The following FCER2 variants were observed in gnomAD, a reference collection of about 807,000 sequenced individuals.
FCER2 encodes Fc epsilon receptor II.
Under a neutral mutation model 49.7 loss-of-function variants are expected in FCER2, and 38 were observed. That is an observed-to-expected ratio of 0.76 (90% CI 0.59 to 1.00). FCER2 has a LOEUF of 1.00. Ranked by LOEUF, FCER2 falls within the 50% of genes least tolerant of loss-of-function variation. The pLI is 0.00. For synonymous variants in FCER2, 163 were observed against 164.6 expected (o/e 0.99, Z 0.07); for missense variants, 425 against 419.5 (o/e 1.01, Z -0.11).
At chr19:7,699,452 G>T in intron 2 of FCER2, 1 of 1,474,096 alleles carries the variant, frequency 6.8e-7, no homozygotes, top group Non-Finnish European at 9.0e-7. Flanking sequence ...GACTCTATTG[G>T]GCTCCCCGCT....
In FCER2 at chr19:7,697,588, G is replaced by C. The variant is rs894639849; in HGVS notation, c.192C>G (p.Val64=). 3 of 1,613,960 alleles carry C rather than the reference G, an allele frequency of 1.9e-6. No individual in the cohort carries two copies. The highest frequency in any genetic ancestry group is 1.7e-5 in the Admixed American group (1 of 60,000). The change falls in exon 5 of 11, where the codon GTC becomes GTG. Residue 64 remains valine (V), a splice_region_variant and synonymous_variant. Coordinates refer to ENST00000597921, the MANE Select transcript of FCER2 (RefSeq NM_001220500.2). ...TTTCCAAGTTCTTGGAAACTTGAGA[G>C]ACTGGAGCGGCGGGAGAGAAGAGAT... is the stretch of plus-strand genomic sequence containing the variant. ...KQLEERAARN[V]SQVSKNLESH...
intron 5 of FCER2, 71 bp from the exon 6 acceptor site, chr19:7,697,369 C>T: frequency 6.4e-7 from 1 of 1,559,562 alleles, no homozygotes; most frequent in Non-Finnish European, 8.8e-7. Flanking sequence ...CCACCCATCC[C>T]TTGGTCTCTT....
In FCER2 at chr19:7,690,169, C is replaced by T. The variant is rs760134645; in HGVS notation, c.718G>A (p.Val240Met). Residue 240 changes from valine (V) to methionine (M), a missense_variant, in exon 10 of 11, where the codon GTG becomes ATG. By Grantham distance (21) the Val-to-Met change is conservative (BLOSUM62 1). Transcript: ENST00000597921. ...AGGCCCCCTCCTCACCTGTAGTCCA[C>T]GTGGCTCCCATCCACCCAGATAAAC... ...GEFIWVDGSH[V>M]DYSNWAPGEP... is the part of the protein sequence containing the mutation. 3.7e-6 allele frequency: 6 copies of T among 1,609,128 alleles called. No homozygotes were observed. Among genetic ancestry groups the T allele is most frequent in the Admixed American group, 1.7e-5 (1 of 60,000 alleles).
Position 7,698,728 on chromosome 19 carries a change from G to T in FCER2, c.136+13C>A, listed in dbSNP as rs748145712. 6.2e-7 allele frequency: 1 copy of T among 1,610,448 alleles called. No homozygotes were observed. Among genetic ancestry groups the T allele is most frequent in the Non-Finnish European group, 8.5e-7 (1 of 1,178,884 alleles). ...GAGTTGGGGGGACCACATGGAGCTG[G>T]GGGTGTCCTCACGCCACAGGAGAAG... On this transcript the variant is annotated intron_variant, in intron 3 of 10. Coordinates refer to ENST00000597921, the MANE Select transcript of FCER2 (RefSeq NM_001220500.2).
chr19:7,692,484 A>G (rs2032907264), intron 8 of FCER2, among the ~76,000 whole-genome samples: 1 of 152,076 alleles, frequency 6.6e-6, no homozygotes, highest in South Asian at 2.1e-4. Flanking sequence ...ATCAACCACC[A>G]ACACCATCAG....
Position 7,698,077 on chromosome 19 carries a change from A to C in FCER2, c.190+279T>G, listed in dbSNP as rs559928142. On this transcript the variant is annotated intron_variant, in intron 4 of 10. Coordinates refer to ENST00000597921, the MANE Select transcript of FCER2 (RefSeq NM_001220500.2). ...AATGCTGGGCAGTGGTAGGGAGCCA[A>C]AGCCTTCAGCCAGCCACACAGTTTT... Among the ~76,000 whole-genome samples the C allele has an allele frequency of 2.8e-4, 42 of 152,316 alleles. 1 individual carries two copies. The East Asian group carries it at 7.9e-3, about 29-fold the overall frequency.
At chr19:7,698,652 C>T in intron 3 of FCER2, 89 bp downstream of exon 3, 1 of 1,533,650 alleles carries the variant, frequency 6.5e-7, no homozygotes, top group Non-Finnish European at 8.8e-7. Flanking sequence ...ATGCGTTGGG[C>T]TCCCCCAGCT....
intron 1 of FCER2, among the ~76,000 whole-genome samples, chr19:7,701,777 A>G (rs995883587): frequency 1.3e-5 from 2 of 151,904 alleles, no homozygotes; most frequent in African/African-American, 4.8e-5. Flanking sequence ...CAGCGCACTC[A>G]CCAAGCTCAT....
At chr19:7,696,008 A>G (rs2033002616) in intron 8 of FCER2, among the ~76,000 whole-genome samples, 1 of 141,238 alleles carries the variant, frequency 7.1e-6, no homozygotes, top group African/African-American at 2.7e-5. Context: ...ATCTCGGCTC[A>G]CTGCAACCTC....
chr19:7,689,412 C>A lies in FCER2; in HGVS notation c.747G>T (p.Glu249Asp). The change falls in exon 11 of 11, where the codon GAG becomes GAT. Residue 249 changes from glutamate (E) to aspartate (D), a missense_variant. By Grantham distance (45) the Glu-to-Asp change is conservative (BLOSUM62 2). Transcript: ENST00000597921. ...HVDYSNWAPGEPTSRSQGEDC... is the reference protein window; with the variant it reads ...HVDYSNWAPGDPTSRSQGEDC... Reference sequence around the variant, plus strand: ...CCTCGCCCTGGCTCCGGCTGGTGGGCTCCCCTGGAGCCCAGTTGCTGGAGC... The same window carrying A: ...CCTCGCCCTGGCTCCGGCTGGTGGGATCCCCTGGAGCCCAGTTGCTGGAGC... The A allele has an allele frequency of 6.3e-7, 1 of 1,586,510 alleles. No individual in the cohort carries two copies. The highest frequency in any genetic ancestry group is 1.3e-5 in the African/African-American group (1 of 74,302).
intron 8 of FCER2, 55 bp from the exon 9 acceptor site, chr19:7,690,612 T>C: frequency 6.3e-7 from 1 of 1,578,046 alleles, no homozygotes; most frequent in Non-Finnish European, 8.6e-7. Flanking sequence ...TTGGGCACCC[T>C]GGGCAGACTA....
At position 7,702,053 on chromosome 19, in the gene FCER2, G is replaced by T. The variant is rs1192645968; in HGVS notation, c.-124C>A. On this transcript the variant is annotated 5_prime_UTR_variant, in exon 1 of 11. Transcript: ENST00000597921. ...TTTGGAGCCTGTGTCTGTCCTCCTA[G>T]TGTGTTGGGGTCGACCAGAGCGATT... The T allele has an allele frequency of 2.0e-5, 3 of 152,074 alleles. No individual in the cohort carries two copies. The highest frequency in any genetic ancestry group is 7.2e-5 in the African/African-American group (3 of 41,412). 9.4% of individuals were successfully genotyped at this position (152,074 alleles called of 1,614,324 possible).
intron 3 of FCER2, 125 bp from the exon 4 acceptor site, chr19:7,698,534 A>G (rs2033077770): frequency 5.4e-6 from 5 of 919,548 alleles, no homozygotes; most frequent in Non-Finnish European, 8.5e-6. Flanking sequence ...GAAAGTGTGG[A>G]GGACAGGGAT....
At chr19:7,697,168 C>G in intron 6 of FCER2, 68 bp downstream of exon 6, 1 of 1,607,278 alleles carries the variant, frequency 6.2e-7, no homozygotes, top group Non-Finnish European at 8.5e-7. Flanking sequence ...TCGTGGTTCC[C>G]CAGGGCTCTG....
In FCER2 at chr19:7,697,303, T is replaced by C. The variant is rs2033042017; in HGVS notation, c.254-5A>G. 1 of 1,614,130 alleles carries C rather than the reference T, an allele frequency of 6.2e-7. No individual in the cohort carries two copies. The highest frequency in any genetic ancestry group is 8.5e-7 in the Non-Finnish European group (1 of 1,179,964). ...GTTCCTGTGAAATCTGCGTGGCTGT[T>C]TGCAGGGGAGGGGGCTTCATGGTAA... On this transcript the variant is annotated splice_polypyrimidine_tract_variant and splice_region_variant and intron_variant, in intron 5 of 10. Transcript: ENST00000597921.
intron 2 of FCER2, 66 bp downstream of exon 2, chr19:7,699,673 C>T (rs1444522167): frequency 2.0e-6 from 3 of 1,516,690 alleles, no homozygotes; most frequent in African/African-American, 1.4e-5. Flanking sequence ...CGCTTCTCTT[C>T]TGGGTGAAAG....
At position 7,700,089 on chromosome 19, in the gene FCER2, T is replaced by A. The variant is rs1319460998; in HGVS notation, c.-85-244A>T. The A allele has an allele frequency of 8.4e-6, 3 of 357,498 alleles. No homozygotes were observed. The East Asian group carries it at 1.5e-4, about 18-fold the overall frequency. 22.1% of individuals were successfully genotyped at this position (357,498 alleles called of 1,614,324 possible). A position where few individuals can be genotyped will look rare whatever the true frequency, so the allele number is the denominator to read the frequency against. ...CTACACAGCAGGTGCACCCATGAGA[T>A]CTTGACAAATGGCTTAATTAACCTG... On this transcript the variant is annotated intron_variant, in intron 1 of 10. Transcript: ENST00000597921.
intron 5 of FCER2, 109 bp from the exon 6 acceptor site, chr19:7,697,407 A>C: frequency 4.1e-6 from 6 of 1,471,266 alleles, no homozygotes. Context: ...CCACCTGCTC[A>C]GTTTGCAGTT....
chr19:7,699,813 C>G lies in FCER2; in HGVS notation c.-53G>C. The stretch of plus-strand genomic sequence containing the variant: ...ATGGAGCACTCACTCCCTGACAACG[C>G]AGTCCACTCAGCGGGCACAATCACA... On this transcript the variant is annotated 5_prime_UTR_variant, in exon 2 of 11. Coordinates refer to ENST00000597921, the MANE Select transcript of FCER2 (RefSeq NM_001220500.2). 6.4e-7 allele frequency: 1 copy of G among 1,571,054 alleles called. No individual in the cohort carries two copies. The highest frequency in any genetic ancestry group is 8.8e-7 in the Non-Finnish European group (1 of 1,141,506).
Sources: gnomAD v4.1 joint callset for allele counts (sites outside exome capture counted in the v4.1 genomes callset) on GRCh38, gnomAD v4.1.1 for gene constraint, MANE v1.5 for transcripts, NCBI Gene and HGNC (gene_info 2026-07-23, HGNC 2026-07-21) for gene names.